Variants in RORA observed in about 807,000 individuals in gnomAD.
The protein encoded by RORA is nuclear receptor ROR-alpha.
In RORA, 7 loss-of-function variants were observed where a neutral mutation model predicts 69.5. The ratio of observed to expected loss-of-function variants is 0.10; its 90% confidence interval spans 0.06 to 0.19. RORA has a LOEUF of 0.19. Ranked by LOEUF, RORA falls within the 10% of genes least tolerant of loss-of-function variation. The pLI is 1.00. For synonymous variants in RORA, 261 were observed against 240.8 expected (o/e 1.08, Z -0.78); for missense variants, 457 against 663.0 (o/e 0.69, Z 3.41).
chr15:61,204,171 G>C (rs547542473), intron 1 of RORA, among the ~76,000 whole-genome samples: 1 of 152,188 alleles, frequency 6.6e-6, no homozygotes, highest in Non-Finnish European at 1.5e-5. Flanking sequence ...AGAAGTCAAG[G>C]ATAGCTTCTT....
At chr15:60,899,506 G>A (rs939703084) in intron 1 of RORA, among the ~76,000 whole-genome samples, 1 of 152,188 alleles carries the variant, frequency 6.6e-6, no homozygotes, top group Non-Finnish European at 1.5e-5. Flanking sequence ...CCCAGACAGG[G>A]AGTTTCCTGA....
At chr15:61,197,560 A>G (rs2079856459) in intron 1 of RORA, among the ~76,000 whole-genome samples, 1 of 152,174 alleles carries the variant, frequency 6.6e-6, no homozygotes, top group Non-Finnish European at 1.5e-5. Context: ...GCAGATCTAT[A>G]TTCACTACAG....
In RORA at chr15:60,772,245, T is replaced by C. The variant is rs576735464; in HGVS notation, c.167-93559A>G. On this transcript the variant is annotated intron_variant, in intron 1 of 10. Transcript: ENST00000335670. ...CCTGACAGGCCGCGGTGTGTGATGT[T>C]CCCCGCTTTGTGTCCAAGTGTTCTC... Among the ~76,000 whole-genome samples, 413 of 152,070 alleles carry C rather than the reference T, an allele frequency of 2.7e-3. 1 individual carries two copies. Among genetic ancestry groups the C allele is most frequent in the African/African-American group, 8.5e-3 (354 of 41,458 alleles).
intron 1 of RORA, among the ~76,000 whole-genome samples, chr15:61,109,014 G>A (rs1566992868): frequency 6.6e-6 from 1 of 152,058 alleles, no homozygotes. Flanking sequence ...TGGCCAACAT[G>A]GTAAAACTCT....
At chr15:61,066,367 AG>A (rs2078257619) in intron 1 of RORA, among the ~76,000 whole-genome samples, 1 of 151,594 alleles carries the variant, frequency 6.6e-6, no homozygotes, top group Non-Finnish European at 1.5e-5. Flanking sequence ...AAAGTGACAA[AG>A]ATGTGAGTAG....
intron 1 of RORA, among the ~76,000 whole-genome samples, chr15:61,082,259 C>T (rs1361456711): frequency 6.6e-6 from 1 of 152,162 alleles, no homozygotes; most frequent in Admixed American, 6.5e-5. Flanking sequence ...GAGGCCGCGG[C>T]GGGCGAATCA....
intron 1 of RORA, among the ~76,000 whole-genome samples, chr15:60,896,228 C>T (rs891445556): frequency 5.3e-5 from 8 of 152,188 alleles, no homozygotes; most frequent in Non-Finnish European, 1.2e-4. Flanking sequence ...TGTCTGCTTC[C>T]CAGATGGTCA....
intron 2 of RORA, among the ~76,000 whole-genome samples, chr15:60,636,660 T>C (rs929202502): frequency 8.5e-5 from 13 of 152,186 alleles, no homozygotes; most frequent in Admixed American, 6.5e-4. Context: ...AAATAATACA[T>C]ATATACCTGG....
chr15:60,591,664 C>A (rs1309989910), intron 2 of RORA, among the ~76,000 whole-genome samples: 1 of 152,194 alleles, frequency 6.6e-6, no homozygotes, highest in African/African-American at 2.4e-5. Context: ...TGCCGAGTTC[C>A]TCCCCACCTC....
intron 1 of RORA, among the ~76,000 whole-genome samples, chr15:60,731,231 G>A (rs2071425359): frequency 6.6e-6 from 1 of 152,136 alleles, no homozygotes; most frequent in South Asian, 2.1e-4. Context: ...AAAGAATGAT[G>A]CCCCAAACCC....
At position 60,940,171 on chromosome 15, in the gene RORA, G is replaced by A. The variant is rs1198696445; in HGVS notation, c.167-261485C>T. On this transcript the variant is annotated intron_variant, in intron 1 of 10. Coordinates refer to ENST00000335670, the MANE Select transcript of RORA (RefSeq NM_134261.3). ...GAACATTCTAAGATCCTAAAAATTAGAGGCTGGGTCACAAGATTAGATCAC... is the reference window on the plus strand; with the variant it reads ...GAACATTCTAAGATCCTAAAAATTAAAGGCTGGGTCACAAGATTAGATCAC... Among the ~76,000 whole-genome samples the A allele has an allele frequency of 2.6e-5, 4 of 152,126 alleles. No individual in the cohort carries two copies. In the South Asian group the frequency reaches 8.3e-4, roughly 31 times the overall value.
At chr15:61,132,505 T>C (rs982012126) in intron 1 of RORA, among the ~76,000 whole-genome samples, 1 of 152,208 alleles carries the variant, frequency 6.6e-6, no homozygotes, top group Non-Finnish European at 1.5e-5. Flanking sequence ...TTCAATATTA[T>C]TTTTATAGTA....
chr15:60,860,256 TTA>T (rs762240354), intron 1 of RORA, among the ~76,000 whole-genome samples: 6 of 152,180 alleles, frequency 3.9e-5, no homozygotes, highest in Non-Finnish European at 8.8e-5. Context: ...TCATCACCAG[TTA>T]TAGTTTACCA....
chr15:60,663,555 G>T (rs1039523712), intron 2 of RORA, among the ~76,000 whole-genome samples: 1 of 152,152 alleles, frequency 6.6e-6, no homozygotes, highest in Non-Finnish European at 1.5e-5. Flanking sequence ...TCCCAGGTTC[G>T]AGTGATTATC....
chr15:60,590,034 TC>T (rs2068451382), intron 2 of RORA, among the ~76,000 whole-genome samples: 1 of 152,232 alleles, frequency 6.6e-6, no homozygotes, highest in African/African-American at 2.4e-5. Flanking sequence ...TTTACAGCAT[TC>T]CTCACTTCCC....
intron 2 of RORA, among the ~76,000 whole-genome samples, chr15:60,596,093 GA>G (rs2068660345): frequency 6.6e-6 from 1 of 152,160 alleles, no homozygotes. Context: ...TTGACTTTAT[GA>G]GCGTATATTT....
chr15:60,536,498 T>C (rs963800618), intron 2 of RORA, among the ~76,000 whole-genome samples: 1 of 152,242 alleles, frequency 6.6e-6, no homozygotes, highest in African/African-American at 2.4e-5. Flanking sequence ...GCTTAACTGT[T>C]TGCCACAACA....
intron 2 of RORA, among the ~76,000 whole-genome samples, chr15:60,549,860 A>T (rs2067180846): frequency 6.6e-6 from 1 of 152,214 alleles, no homozygotes; most frequent in Admixed American, 6.5e-5. Flanking sequence ...ACTTTTTATA[A>T]AGGGTCTGAT....
intron 1 of RORA, among the ~76,000 whole-genome samples, chr15:60,995,348 G>A (rs1025786024): frequency 4.6e-5 from 7 of 152,160 alleles, no homozygotes; most frequent in African/African-American, 1.7e-4. Flanking sequence ...TGAGCTTCCC[G>A]AGTGTTCTCA....
Sources: allele counts gnomAD v4.1 joint callset (sites outside exome capture counted in the v4.1 genomes callset), GRCh38; gene constraint gnomAD v4.1.1; transcripts MANE v1.5; gene names NCBI Gene and HGNC (gene_info 2026-07-23, HGNC 2026-07-21).